Variants in KIAA0825 observed in about 807,000 individuals in gnomAD.
The protein encoded by KIAA0825 is KIAA0825.
A neutral mutation model predicts 147.6 loss-of-function variants in KIAA0825; 119 were observed. That is an observed-to-expected ratio of 0.81 (90% confidence interval 0.69 to 0.94). The LOEUF (loss-of-function observed/expected upper bound fraction) is 0.94. KIAA0825 is among the 40% of genes least tolerant of loss of function. The probability of loss-of-function intolerance (pLI) is 0.00; values close to 1 mark genes in which losing one functional copy is unlikely to be tolerated. For missense variants in KIAA0825, 1,381 were observed against 1,472.7 expected (o/e 0.94, Z 1.02); for synonymous variants, 470 against 518.1 (o/e 0.91, Z 1.26).
chr5:94,218,464 A>T (rs531153974), intron 20 of KIAA0825, among the ~76,000 whole-genome samples: 1 of 152,312 alleles, frequency 6.6e-6, no homozygotes, highest in Middle Eastern at 3.4e-3. Context: ...AGTTCAAAGG[A>T]TTTGCCCCAC....
At position 94,464,906 on chromosome 5, in the gene KIAA0825, G is replaced by T; in HGVS notation, c.2026C>A (p.Arg676=). 6.4e-7 allele frequency: 1 copy of T among 1,551,566 alleles called. No individual in the cohort carries two copies. The highest frequency in any genetic ancestry group is 1.2e-5 in the South Asian group (1 of 84,048). Reference sequence around the variant, plus strand: ...GTTCTTTTACGGCTGGGGTGGGCCCGAGCGTATCTGGAGGCCAGTAGACTC... The same window carrying T: ...GTTCTTTTACGGCTGGGGTGGGCCCTAGCGTATCTGGAGGCCAGTAGACTC... ...SLSLLASRYA[R]AHPSRKRTPQ... The change falls in exon 11 of 21, where the codon CGG becomes AGG. Residue 676 remains arginine, a synonymous_variant. Coordinates refer to ENST00000682413, the MANE Select transcript of KIAA0825 (RefSeq NM_001145678.3).
intron 20 of KIAA0825, among the ~76,000 whole-genome samples, chr5:94,200,205 T>A (rs761654349): frequency 6.6e-6 from 1 of 152,134 alleles, no homozygotes; most frequent in Non-Finnish European, 1.5e-5. Flanking sequence ...TCTGTGTGGG[T>A]CATAGGGGTC....
chr5:94,314,250 T>C (rs1434513047), intron 20 of KIAA0825, among the ~76,000 whole-genome samples: 1 of 151,628 alleles, frequency 6.6e-6, no homozygotes, highest in Non-Finnish European at 1.5e-5. Flanking sequence ...AAGCAATATA[T>C]CTCTCTCCTA....
intron 20 of KIAA0825, among the ~76,000 whole-genome samples, chr5:94,281,474 T>A (rs1383871023): frequency 1.3e-5 from 2 of 152,124 alleles, no homozygotes; most frequent in African/African-American, 4.8e-5. Flanking sequence ...GCAGTCTGAA[T>A]CTCTGTGGGT....
At chr5:94,563,714 C>A (rs1778019420) in intron 2 of KIAA0825, among the ~76,000 whole-genome samples, 1 of 152,138 alleles carries the variant, frequency 6.6e-6, no homozygotes, top group Middle Eastern at 3.4e-3. Context: ...AGACAGAGTT[C>A]CACTGTTTCA....
chr5:94,263,590 G>C (rs574124790), intron 20 of KIAA0825, among the ~76,000 whole-genome samples: 44 of 152,146 alleles, frequency 2.9e-4, no homozygotes, highest in African/African-American at 9.9e-4. Context: ...TTTCCAACAG[G>C]AAACTCAACA....
chr5:94,354,650 G>T (rs1191229033), intron 20 of KIAA0825, among the ~76,000 whole-genome samples: 1 of 152,098 alleles, frequency 6.6e-6, no homozygotes, highest in African/African-American at 2.4e-5. Context: ...ATTTAATTCA[G>T]GTAATAAACT....
At chr5:94,470,303 A>G (rs1761056508) in intron 9 of KIAA0825, among the ~76,000 whole-genome samples, 192 bp from the exon 10 acceptor site, 1 of 152,244 alleles carries the variant, frequency 6.6e-6, no homozygotes, top group Admixed American at 6.5e-5. Flanking sequence ...TTGTTTTGCA[A>G]GCCCTTTGAA....
intron 20 of KIAA0825, among the ~76,000 whole-genome samples, chr5:94,325,721 GCTT>G (rs952861934): frequency 4.6e-5 from 7 of 151,932 alleles, no homozygotes; most frequent in Non-Finnish European, 7.4e-5. Context: ...AATGATGCAT[GCTT>G]CTTATTTTTA....
At chr5:94,433,263 G>A (rs751351669) in intron 14 of KIAA0825, among the ~76,000 whole-genome samples, 8 of 152,110 alleles carry the variant, frequency 5.3e-5, no homozygotes, top group Admixed American at 1.3e-4. Flanking sequence ...TCCTGACCTC[G>A]TGATCCGCCA....
chr5:94,548,732 T>C (rs1774948467), intron 2 of KIAA0825, among the ~76,000 whole-genome samples: 1 of 152,090 alleles, frequency 6.6e-6, no homozygotes, highest in South Asian at 2.1e-4. Context: ...AGATATTCCA[T>C]GTCAATGGAA....
At chr5:94,610,865 T>C (rs1788642302) in intron 1 of KIAA0825, among the ~76,000 whole-genome samples, 1 of 149,628 alleles carries the variant, frequency 6.7e-6, no homozygotes, top group African/African-American at 2.5e-5. Context: ...CTCGTCTATA[T>C]TACAAAAATT....
chr5:94,525,610 C>T (rs1224069344), intron 3 of KIAA0825, among the ~76,000 whole-genome samples: 5 of 151,808 alleles, frequency 3.3e-5, no homozygotes, highest in Admixed American at 3.3e-4. Context: ...AACACAATGC[C>T]CTAAGCATAC....
chr5:94,513,370 A>T (rs1160152258), intron 5 of KIAA0825, among the ~76,000 whole-genome samples: 1 of 152,190 alleles, frequency 6.6e-6, no homozygotes, highest in Non-Finnish European at 1.5e-5. Context: ...CTTATTTTTA[A>T]CTTTCATCAT....
chr5:94,595,310 A>T (rs533451052), intron 1 of KIAA0825, among the ~76,000 whole-genome samples: 5 of 152,316 alleles, frequency 3.3e-5, no homozygotes, highest in African/African-American at 9.6e-5. Flanking sequence ...TCAAAGCTCA[A>T]TTCTTTACTT....
intron 20 of KIAA0825, among the ~76,000 whole-genome samples, chr5:94,245,075 G>T (rs530314344): frequency 1.1e-4 from 17 of 152,272 alleles, no homozygotes; most frequent in African/African-American, 3.6e-4. Flanking sequence ...TGAAATACTG[G>T]TATCTTATCT....
intron 20 of KIAA0825, among the ~76,000 whole-genome samples, chr5:94,220,056 C>T (rs6867042): frequency 0.085 from 13,001 of 152,222 alleles, 713 homozygotes; most frequent in Middle Eastern, 0.14. Flanking sequence ...AACACAAATA[C>T]ATTGTATAGC....
At chr5:94,395,136 A>G (rs1223253551) in intron 17 of KIAA0825, among the ~76,000 whole-genome samples, 1 of 152,136 alleles carries the variant, frequency 6.6e-6, no homozygotes, top group Non-Finnish European at 1.5e-5. Context: ...TGGTATCATC[A>G]TTGAAACTGA....
At chr5:94,431,244 T>A (rs1033950287) in intron 14 of KIAA0825, among the ~76,000 whole-genome samples, 1 of 152,166 alleles carries the variant, frequency 6.6e-6, no homozygotes, top group African/African-American at 2.4e-5. Context: ...AAGCTCAAAA[T>A]GAATTAATAA....
Sources: gnomAD v4.1 joint callset for allele counts (sites outside exome capture counted in the v4.1 genomes callset) on GRCh38, gnomAD v4.1.1 for gene constraint, MANE v1.5 for transcripts, NCBI Gene and HGNC (gene_info 2026-07-23, HGNC 2026-07-21) for gene names.